NELL2: variants seen among roughly 807,000 people sequenced by gnomAD.
The protein encoded by NELL2 is protein kinase C-binding protein NELL2.
In NELL2, 41 loss-of-function variants were observed where a neutral mutation model predicts 109.6. The ratio of observed to expected loss-of-function variants is 0.37; its 90% CI spans 0.29 to 0.49. The LOEUF is 0.49. Among genes scored for constraint, NELL2 ranks in the 20% least tolerant of loss-of-function variants. The probability of loss-of-function intolerance (pLI) is 0.98; values close to 1 mark genes in which losing one functional copy is unlikely to be tolerated. For missense variants in NELL2, 900 were observed against 1,008.3 expected (o/e 0.89, Z 1.45); for synonymous variants, 355 against 344.7 (o/e 1.03, Z -0.33).
intron 9 of NELL2, among the ~76,000 whole-genome samples, chr12:44,738,441 T>C (rs1486757125): frequency 6.6e-6 from 1 of 150,922 alleles, no homozygotes; most frequent in Non-Finnish European, 1.5e-5. Flanking sequence ...ATTTTAAAAA[T>C]GTGATTACAT....
At chr12:44,872,506 T>C (rs1056986523) in intron 2 of NELL2, among the ~76,000 whole-genome samples, 1 of 152,118 alleles carries the variant, frequency 6.6e-6, no homozygotes, top group African/African-American at 2.4e-5. Context: ...ATTTACGAGT[T>C]TCAAAAGGTA....
At chr12:44,766,489 C>T (rs1233963632) in intron 9 of NELL2, among the ~76,000 whole-genome samples, 2 of 152,130 alleles carry the variant, frequency 1.3e-5, no homozygotes, top group Non-Finnish European at 2.9e-5. Flanking sequence ...TCATTCTTGC[C>T]TATTCTTACT....
intron 9 of NELL2, among the ~76,000 whole-genome samples, chr12:44,765,139 G>A (rs1161138582): frequency 2.0e-5 from 3 of 152,110 alleles, no homozygotes; most frequent in African/African-American, 7.2e-5. Flanking sequence ...AAAAATTCAG[G>A]TCTCAGCAAA....
At chr12:44,854,749 T>G (rs1944633979) in intron 2 of NELL2, among the ~76,000 whole-genome samples, 1 of 151,630 alleles carries the variant, frequency 6.6e-6, no homozygotes, top group South Asian at 2.1e-4. Flanking sequence ...GATGGGTGGA[T>G]GGGTGGATGG....
chr12:44,756,458 G>A (rs1030197967), intron 9 of NELL2, among the ~76,000 whole-genome samples: 2 of 151,740 alleles, frequency 1.3e-5, no homozygotes, highest in African/African-American at 4.8e-5. Flanking sequence ...ACTACCCCAT[G>A]CATCCTCCCA....
chr12:44,575,301 G>A (rs1342595344), intron 15 of NELL2, among the ~76,000 whole-genome samples: 1 of 152,224 alleles, frequency 6.6e-6, no homozygotes, highest in East Asian at 1.9e-4. Context: ...CAAGTAAATA[G>A]ATATAACATA....
intron 15 of NELL2, among the ~76,000 whole-genome samples, chr12:44,587,290 T>TAA: frequency 2.1e-5 from 1 of 47,232 alleles, no homozygotes; most frequent in African/African-American, 7.5e-5. Flanking sequence ...AAAAAATATA[T>TAA]ATATATATAT....
upstream of NELL2, chr12:44,877,148 G>GAAAT: frequency 7.0e-6 from 1 of 142,460 alleles, no homozygotes; most frequent in East Asian, 2.1e-4. Flanking sequence ...GAGATGGTTA[G>GAAAT]AGAGAGAGAG....
intron 9 of NELL2, among the ~76,000 whole-genome samples, chr12:44,756,032 C>T (rs1008849052): frequency 6.6e-6 from 1 of 152,110 alleles, no homozygotes; most frequent in African/African-American, 2.4e-5. Flanking sequence ...GTGACTCTGC[C>T]TCTTCTCTCC....
At chr12:44,816,208 C>CT (rs1280317166) in intron 2 of NELL2, 72 bp from the exon 3 acceptor site, 4 of 1,331,936 alleles carry the variant, frequency 3.0e-6, no homozygotes, top group Non-Finnish European at 4.0e-6. Context: ...CATGTAACAT[C>CT]TTTCAAAAAA....
upstream of NELL2, chr12:44,876,918 G>T (rs989387858): frequency 8.0e-7 from 1 of 1,248,376 alleles, no homozygotes; most frequent in Non-Finnish European, 1.0e-6. Flanking sequence ...CCTGCCGGGG[G>T]CGGGGCGCTG....
At chr12:44,565,750 G>A (rs948152611) in intron 15 of NELL2, among the ~76,000 whole-genome samples, 16 of 152,090 alleles carry the variant, frequency 1.1e-4, no homozygotes, top group South Asian at 1.0e-3. Flanking sequence ...AATACAAATA[G>A]AATGCTGAAT....
At chr12:44,684,746 C>T (rs570376135) in intron 12 of NELL2, among the ~76,000 whole-genome samples, 1 of 152,220 alleles carries the variant, frequency 6.6e-6, no homozygotes, top group African/African-American at 2.4e-5. Flanking sequence ...GATTCTTAAT[C>T]CTGAGTTCTA....
upstream of NELL2, among the ~76,000 whole-genome samples, chr12:44,878,995 T>G (rs969016629): frequency 2.0e-5 from 3 of 152,138 alleles, no homozygotes; most frequent in African/African-American, 7.2e-5. Flanking sequence ...ATAGGAAGAT[T>G]ATTTCAGATT....
At chr12:44,521,956 T>C (rs1565865749) in intron 18 of NELL2, 44 bp downstream of exon 18, 3 of 1,600,870 alleles carry the variant, frequency 1.9e-6, no homozygotes, top group Non-Finnish European at 1.7e-6. Flanking sequence ...TCTATTTAGA[T>C]TCTGGGCCTA....
intron 14 of NELL2, among the ~76,000 whole-genome samples, chr12:44,608,377 G>A (rs1044019654): frequency 2.6e-5 from 4 of 152,016 alleles, no homozygotes; most frequent in African/African-American, 9.7e-5. Context: ...GATAAAGAAT[G>A]TGCGTGTCAG....
chr12:44,895,075 T>C (rs1315746688), intron 1 of NELL2, among the ~76,000 whole-genome samples: 5 of 152,160 alleles, frequency 3.3e-5, no homozygotes, highest in African/African-American at 9.6e-5. Context: ...ACACATTTGA[T>C]TAGTTGGAGT....
rs557456357 is a variant in NELL2 at position 44,835,567 on chromosome 12, T to A, written c.185-19431A>T. 1.6e-4 allele frequency among the ~76,000 whole-genome samples: 24 copies of A among 152,312 alleles called. No homozygotes were observed. In the South Asian group the frequency reaches 4.6e-3, roughly 29 times the overall value. ...ATTCTTACTCTGGTCAATCTACAAC[T>A]CATAAATGTGGCTGTGTTCTAAAAC... On this transcript the variant is annotated intron_variant, in intron 2 of 19. Coordinates refer to ENST00000429094, the MANE Select transcript of NELL2 (RefSeq NM_001145108.2).
At chr12:44,850,736 C>G (rs984099427) in intron 2 of NELL2, among the ~76,000 whole-genome samples, 1 of 152,130 alleles carries the variant, frequency 6.6e-6, no homozygotes, top group African/African-American at 2.4e-5. Context: ...TAAAACCCAG[C>G]AACAAAACAA....
Sources: gnomAD v4.1 joint callset for allele counts (sites outside exome capture counted in the v4.1 genomes callset) on GRCh38, gnomAD v4.1.1 for gene constraint, MANE v1.5 for transcripts, NCBI Gene and HGNC (gene_info 2026-07-23, HGNC 2026-07-21) for gene names.